MAPK10: variants seen among roughly 807,000 people sequenced by gnomAD.
MAPK10 encodes the protein JNK3 alpha protein kinase.
In MAPK10, 25 loss-of-function variants were observed where a neutral mutation model predicts 59.3. That is an observed-to-expected ratio of 0.42 (90% confidence interval 0.31 to 0.59). The LOEUF is 0.59. Among genes scored for constraint, MAPK10 ranks in the 20% least tolerant of loss-of-function variants. MAPK10 has a pLI of 0.15. For synonymous variants in MAPK10, 190 were observed against 200.5 expected (o/e 0.95, Z 0.44); for missense variants, 351 against 568.9 (o/e 0.62, Z 3.90).
At chr4:86,079,564 T>G (rs1206082494) in intron 9 of MAPK10, 1 of 152,170 alleles carries the variant, frequency 6.6e-6, no homozygotes, top group African/African-American at 2.4e-5. Flanking sequence ...GTGATAGTAT[T>G]TTGAAAATGA....
intron 11 of MAPK10, 108 bp from the exon 12 acceptor site, chr4:86,031,539 G>A (rs564524912): frequency 7.4e-5 from 54 of 732,672 alleles, no homozygotes; most frequent in Middle Eastern, 2.3e-4. Context: ...GATTTCAACC[G>A]TATATAAGTT....
At chr4:86,385,850 T>A (rs1436954134) in intron 1 of MAPK10, among the ~76,000 whole-genome samples, 2 of 152,192 alleles carry the variant, frequency 1.3e-5, no homozygotes, top group Non-Finnish European at 2.9e-5. Context: ...AATTGTATTG[T>A]GTCTAATGTA....
At chr4:86,288,927 G>GT (rs1404880821) in intron 2 of MAPK10, among the ~76,000 whole-genome samples, 3 of 114,214 alleles carry the variant, frequency 2.6e-5, no homozygotes, top group East Asian at 4.7e-4. Flanking sequence ...AAAAATAAAA[G>GT]TAAAAAAAAA....
chr4:86,316,154 T>A (rs13104178), intron 2 of MAPK10, among the ~76,000 whole-genome samples: 41,874 of 151,970 alleles, frequency 0.28, 5,895 homozygotes, highest in South Asian at 0.43. Flanking sequence ...ATGCAAATCA[T>A]ATCAAACACT....
rs147062840 is a variant in MAPK10, at chr4:86,076,238, C to G, written c.803-8283G>C. Among the ~76,000 whole-genome samples the G allele has an allele frequency of 7.3e-3, 1,106 of 152,304 alleles. 13 individuals carry two copies. Among genetic ancestry groups the G allele is most frequent in the African/African-American group, 0.025 (1,032 of 41,574 alleles). ...GTGCTTCCCAGGTGAGGCAATGCCT[C>G]GCCCTGCTTCGGCTCGCGCACGGTG... On this transcript the variant is annotated intron_variant, in intron 9 of 13. Transcript: ENST00000641462.
chr4:86,214,360 C>T (rs989925483), intron 2 of MAPK10, among the ~76,000 whole-genome samples: 1 of 151,216 alleles, frequency 6.6e-6, no homozygotes. Context: ...TTCTATTCAA[C>T]AAATTTCTAG....
intron 1 of MAPK10, among the ~76,000 whole-genome samples, chr4:86,435,728 T>C (rs1192124381): frequency 1.3e-5 from 2 of 152,188 alleles, no homozygotes; most frequent in Non-Finnish European, 2.9e-5. Flanking sequence ...ATAGACTCAA[T>C]GCTCACTGAA....
chr4:86,170,151 A>G (rs1317892344), intron 3 of MAPK10, among the ~76,000 whole-genome samples: 2 of 152,266 alleles, frequency 1.3e-5, no homozygotes, highest in East Asian at 3.9e-4. Flanking sequence ...AACTGCATCA[A>G]CTAACGAGCA....
chr4:86,012,504 T>C lies in MAPK10; in HGVS notation c.*4724A>G, dbSNP rs1350406626. On this transcript the variant is annotated 3_prime_UTR_variant, in exon 14 of 14. Coordinates refer to ENST00000641462, the MANE Select transcript of MAPK10 (RefSeq NM_138982.4). ...TGGTTTTATGTTGAGAGAAGCAGAT[T>C]TCCTCTGATTTTAATAATCCATAAG... 1 of 152,148 alleles carries C rather than the reference T, an allele frequency of 6.6e-6. No homozygotes were observed. The highest frequency in any genetic ancestry group is 1.5e-5 in the Non-Finnish European group (1 of 68,030). 9.4% of individuals were successfully genotyped at this position (152,148 alleles called of 1,614,324 possible). A position where few individuals can be genotyped will look rare whatever the true frequency, so the allele number is the denominator to read the frequency against.
chr4:86,266,475 T>A (rs763609600), intron 2 of MAPK10, among the ~76,000 whole-genome samples: 2 of 152,190 alleles, frequency 1.3e-5, no homozygotes, highest in Admixed American at 6.5e-5. Flanking sequence ...TTGAGTGTTA[T>A]AATTTGGTTC....
At chr4:86,315,864 T>A (rs183681559) in intron 2 of MAPK10, among the ~76,000 whole-genome samples, 1 of 152,148 alleles carries the variant, frequency 6.6e-6, no homozygotes, top group Non-Finnish European at 1.5e-5. Context: ...TTTCTTCAAG[T>A]AGACTTATTG....
At chr4:86,375,250 C>T (rs759968511) in intron 1 of MAPK10, among the ~76,000 whole-genome samples, 1 of 151,998 alleles carries the variant, frequency 6.6e-6, no homozygotes, top group Non-Finnish European at 1.5e-5. Flanking sequence ...TAGAAACGTA[C>T]AAAAGGAACC....
intron 1 of MAPK10, among the ~76,000 whole-genome samples, chr4:86,498,986 A>T (rs1755099426): frequency 6.6e-6 from 1 of 152,210 alleles, no homozygotes; most frequent in Non-Finnish European, 1.5e-5. Context: ...ACCTGACCAT[A>T]GGTTTAGTTC....
intron 2 of MAPK10, among the ~76,000 whole-genome samples, chr4:86,293,434 T>C (rs887061374): frequency 6.6e-6 from 1 of 152,172 alleles, no homozygotes; most frequent in Non-Finnish European, 1.5e-5. Flanking sequence ...AGGGTTTAAC[T>C]TGCATCCCAT....
chr4:86,180,273 C>T (rs2076596877), intron 3 of MAPK10, among the ~76,000 whole-genome samples: 1 of 151,676 alleles, frequency 6.6e-6, no homozygotes, highest in Admixed American at 6.6e-5. Context: ...AAATCAAAAC[C>T]ACATTGATGT....
At chr4:86,588,742 A>T (rs905863427) in intron 1 of MAPK10, among the ~76,000 whole-genome samples, 3 of 152,214 alleles carry the variant, frequency 2.0e-5, no homozygotes, top group African/African-American at 7.2e-5. Flanking sequence ...CTAACCTATG[A>T]TCTTTCTATT....
chr4:86,559,691 G>T (rs961705015), intron 1 of MAPK10, among the ~76,000 whole-genome samples: 30 of 152,096 alleles, frequency 2.0e-4, no homozygotes, highest in African/African-American at 7.0e-4. Flanking sequence ...CCAGCACTTC[G>T]GGAGGCCAAG....
chr4:86,037,060 G>T (rs73833997), intron 11 of MAPK10, among the ~76,000 whole-genome samples: 4,349 of 152,226 alleles, frequency 0.029, 157 homozygotes, highest in African/African-American at 0.081. Flanking sequence ...GTAAAATTCA[G>T]CTATAAAATA....
intron 1 of MAPK10, among the ~76,000 whole-genome samples, chr4:86,512,600 T>C (rs985606421): frequency 2.0e-5 from 3 of 152,210 alleles, no homozygotes; most frequent in African/African-American, 7.2e-5. Context: ...AGCTATAATA[T>C]ATGTGTTATT....
Sources: allele counts gnomAD v4.1 joint callset (sites outside exome capture counted in the v4.1 genomes callset), GRCh38; gene constraint gnomAD v4.1.1; transcripts MANE v1.5; gene names NCBI Gene and HGNC (gene_info 2026-07-23, HGNC 2026-07-21).